The following OTOP1 variants were observed in gnomAD, a reference collection of about 807,000 sequenced individuals.
OTOP1 encodes otopetrin 1, also known as proton channel OTOP1.
Under a neutral mutation model 52.9 loss-of-function variants are expected in OTOP1, and 59 were observed. The observed-to-expected ratio is 1.12, with a 90% CI of 0.91 to 1.39. OTOP1 has a LOEUF of 1.39. Among genes scored for constraint, OTOP1 ranks in the 40% most tolerant of loss-of-function variants. The pLI is 0.00. For missense variants in OTOP1, 761 were observed against 800.9 expected (o/e 0.95, Z 0.60); for synonymous variants, 317 against 337.7 (o/e 0.94, Z 0.67).
At chr4:4,223,535 T>G (rs1335341352) in intron 1 of OTOP1, among the ~76,000 whole-genome samples, 1 of 152,104 alleles carries the variant, frequency 6.6e-6, no homozygotes, top group East Asian at 1.9e-4. Context: ...AGAGCATTTC[T>G]TGGATAAGCA....
chr4:4,188,799 C>A lies in OTOP1; in HGVS notation c.*4G>T, dbSNP rs199847133. On this transcript the variant is annotated 3_prime_UTR_variant, in exon 6 of 6. Coordinates refer to ENST00000296358, the MANE Select transcript of OTOP1 (RefSeq NM_177998.3). ...CTCACTCCTAGGTCTCTTGTGGACCCAGACTATATCTTACAATAGACCTCA... is the reference window on the plus strand; with the variant it reads ...CTCACTCCTAGGTCTCTTGTGGACCAAGACTATATCTTACAATAGACCTCA... 6 of 1,609,430 alleles carry A rather than the reference C, an allele frequency of 3.7e-6. No homozygotes were observed. Among genetic ancestry groups the A allele is most frequent in the Non-Finnish European group, 5.1e-6 (6 of 1,177,756 alleles).
chr4:4,192,706 G>A (rs1040574388), intron 5 of OTOP1, among the ~76,000 whole-genome samples: 1 of 152,148 alleles, frequency 6.6e-6, no homozygotes, highest in African/African-American at 2.4e-5. Context: ...GTGAAGGCAG[G>A]GGTCACACTT....
At chr4:4,195,368 G>A (rs1716598831) in intron 5 of OTOP1, among the ~76,000 whole-genome samples, 1 of 152,196 alleles carries the variant, frequency 6.6e-6, no homozygotes, top group Non-Finnish European at 1.5e-5. Context: ...ATAGGTGAGT[G>A]ACTGTACACC....
intron 1 of OTOP1, among the ~76,000 whole-genome samples, chr4:4,221,862 C>T (rs1159601485): frequency 6.6e-6 from 1 of 152,162 alleles, no homozygotes; most frequent in Non-Finnish European, 1.5e-5. Flanking sequence ...GTGATCTGCC[C>T]TCCTCAGCCT....
Position 4,193,126 on chromosome 4 carries a change from C to T in OTOP1, c.1668+4040G>A, listed in dbSNP as rs188833713. On this transcript the variant is annotated intron_variant, in intron 5 of 5. Coordinates refer to ENST00000296358, the MANE Select transcript of OTOP1 (RefSeq NM_177998.3). ...TAGACCCTTCCATGGTTTTCTCTTG[C>T]GTTTAGGATAGAGTCTTGGCTCGCA... is the stretch of plus-strand genomic sequence containing the variant. Among the ~76,000 whole-genome samples the T allele has an allele frequency of 2.6e-4, 40 of 152,222 alleles. No homozygotes were observed. In the East Asian group the frequency reaches 6.4e-3, roughly 24 times the overall value.
chr4:4,219,056 G>T (rs758161045), intron 1 of OTOP1, among the ~76,000 whole-genome samples: 2 of 151,838 alleles, frequency 1.3e-5, no homozygotes, highest in Non-Finnish European at 2.9e-5. Context: ...ATGTGGAAAA[G>T]GAAAAGGAGG....
intron 5 of OTOP1, among the ~76,000 whole-genome samples, chr4:4,191,922 G>T (rs1346283270): frequency 6.6e-6 from 1 of 152,028 alleles, no homozygotes; most frequent in African/African-American, 2.4e-5. Context: ...AAGGGAGAGG[G>T]AGACAGGGAG....
chr4:4,198,989 G>A (rs1357577831), intron 4 of OTOP1, among the ~76,000 whole-genome samples: 3 of 152,110 alleles, frequency 2.0e-5, no homozygotes, highest in Admixed American at 6.5e-5. Flanking sequence ...TCAGGAGTTC[G>A]AGACCAGCCT....
At chr4:4,204,903 T>A (rs1379542329) in intron 3 of OTOP1, among the ~76,000 whole-genome samples, 1 of 152,146 alleles carries the variant, frequency 6.6e-6, no homozygotes, top group African/African-American at 2.4e-5. Flanking sequence ...CCGGAGTAGC[T>A]GGGACTACAG....
intron 3 of OTOP1, among the ~76,000 whole-genome samples, chr4:4,205,572 C>T (rs1344990522): frequency 6.6e-6 from 1 of 152,114 alleles, no homozygotes; most frequent in Non-Finnish European, 1.5e-5. Flanking sequence ...GGATTTATGG[C>T]TCTTTGTTAA....
intron 2 of OTOP1, among the ~76,000 whole-genome samples, chr4:4,210,412 A>G (rs1025022636): frequency 2.0e-5 from 3 of 152,184 alleles, no homozygotes; most frequent in Non-Finnish European, 2.9e-5. Flanking sequence ...GAGGCTAGAA[A>G]TCCAAGATCA....
chr4:4,219,497 C>T lies in OTOP1; in HGVS notation c.404-6493G>A, dbSNP rs370809563. Among the ~76,000 whole-genome samples the T allele has an allele frequency of 1.6e-4, 24 of 151,846 alleles. No homozygotes were observed. In the East Asian group the frequency reaches 1.7e-3, roughly 11 times the overall value. On this transcript the variant is annotated intron_variant, in intron 1 of 5. Coordinates refer to ENST00000296358, the MANE Select transcript of OTOP1 (RefSeq NM_177998.3). ...CGGGCGGATCAGGATGTCGGGAGATCGAGACCATCCTGGCCAACACGGTGA... is the reference window on the plus strand; with the variant it reads ...CGGGCGGATCAGGATGTCGGGAGATTGAGACCATCCTGGCCAACACGGTGA...
chr4:4,225,625 A>G (rs1717413004), intron 1 of OTOP1, among the ~76,000 whole-genome samples: 1 of 150,680 alleles, frequency 6.6e-6, no homozygotes, highest in East Asian at 1.9e-4. Context: ...TATCTTGACA[A>G]TTTCAGCCAA....
rs759309550 is a variant in OTOP1 at position 4,188,867 on chromosome 4, G to T, written c.1775C>A (p.Pro592His). Reference sequence around the variant, plus strand: ...GTGCATTCGATAGAAAATAGAAAAAGGCATGGCCAGGTTGACCACAATTAT... The same window carrying T: ...GTGCATTCGATAGAAAATAGAAAAATGCATGGCCAGGTTGACCACAATTAT... ...PWIIVVNLAM[P>H]FSIFYRMHAA... The change falls in exon 6 of 6, where the codon CCT becomes CAT. Residue 592 changes from proline (P) to histidine (H), a missense_variant. By Grantham distance (77) the Pro-to-His change is moderately conservative (BLOSUM62 -2). Transcript: ENST00000296358. The T allele has an allele frequency of 2.5e-6, 4 of 1,613,772 alleles. No homozygotes were observed. The highest frequency in any genetic ancestry group is 3.4e-6 in the Non-Finnish European group (4 of 1,179,836).
chr4:4,217,746 G>A (rs28721366), intron 1 of OTOP1, among the ~76,000 whole-genome samples: 8,102 of 152,196 alleles, frequency 0.053, 698 homozygotes, highest in African/African-American at 0.18. Flanking sequence ...GGAGGTGATT[G>A]TTGAACAGAG....
intron 4 of OTOP1, among the ~76,000 whole-genome samples, chr4:4,198,707 CG>C (rs1716708809): frequency 1.3e-5 from 2 of 152,210 alleles, no homozygotes; most frequent in South Asian, 4.1e-4. Flanking sequence ...GGAAAGTAAA[CG>C]GGTACCACCT....
At chr4:4,191,827 G>A (rs1179301558) in intron 5 of OTOP1, among the ~76,000 whole-genome samples, 1 of 152,166 alleles carries the variant, frequency 6.6e-6, no homozygotes, top group Non-Finnish European at 1.5e-5. Context: ...AGAGATCTTG[G>A]TCATTGCTGT....
rs149188671 is a variant in OTOP1, at chr4:4,188,859, T to G, written c.1783A>C (p.Ile595Leu). ...GCAGCTGCGTGCATTCGATAGAAAATAGAAAAAGGCATGGCCAGGTTGACC... is the reference window on the plus strand; with the variant it reads ...GCAGCTGCGTGCATTCGATAGAAAAGAGAAAAAGGCATGGCCAGGTTGACC... Reference protein sequence around the residue: ...IVVNLAMPFSIFYRMHAAASL... With the variant: ...IVVNLAMPFSLFYRMHAAASL... The change falls in exon 6 of 6, where the codon ATT becomes CTT. Residue 595 changes from isoleucine (I) to leucine (L), a missense_variant. Transcript: ENST00000296358. The G allele has an allele frequency of 1.2e-6, 2 of 1,613,764 alleles. No homozygotes were observed. Among genetic ancestry groups the G allele is most frequent in the Non-Finnish European group, 1.7e-6 (2 of 1,179,808 alleles).
Position 4,197,827 on chromosome 4 carries a change from A to G in OTOP1, c.1007T>C (p.Ile336Thr), listed in dbSNP as rs1168510950. 12 of 1,613,910 alleles carry G rather than the reference A, an allele frequency of 7.4e-6. No individual in the cohort carries two copies. Among genetic ancestry groups the G allele is most frequent in the Admixed American group, 1.7e-5 (1 of 59,984 alleles). ...CTCGCTCTTGGTCTTGGAGCGCCCA[A>G]TATGAATCAGGTATACCACCACCAC... ...IAVVVVYLIH[I>T]GRSKTKSESA... The change falls in exon 5 of 6, where the codon ATT (isoleucine) becomes ACT (threonine). Residue 336 changes from isoleucine (I) to threonine (T), a missense_variant. Ile to Thr is a moderately conservative substitution (Grantham distance 89). Around this residue, in one of 3 missense-constraint regions of OTOP1, gnomAD observed 632 missense variants for 619.5 expected, o/e 1.02. Transcript: ENST00000296358.
Sources: gnomAD v4.1 joint callset for allele counts (sites outside exome capture counted in the v4.1 genomes callset) on GRCh38, gnomAD v4.1.1 for gene constraint, gnomAD v4.1.1 regional missense constraint, MANE v1.5 for transcripts, NCBI Gene and HGNC (gene_info 2026-07-23, HGNC 2026-07-21) for gene names.